Variants in MAP2K5 observed in about 807,000 individuals in gnomAD.
The protein encoded by MAP2K5 is dual specificity mitogen-activated protein kinase kinase 5.
MAP2K5 carries 49 observed loss-of-function variants against 83.1 expected under a neutral mutation model. That is an observed-to-expected ratio of 0.59 (90% CI 0.47 to 0.75). MAP2K5 has a LOEUF of 0.75. MAP2K5 is among the 30% of genes least tolerant of loss of function. MAP2K5 has a pLI of 0.00. For synonymous variants in MAP2K5, 202 were observed against 191.8 expected (o/e 1.05, Z -0.44); for missense variants, 457 against 557.5 (o/e 0.82, Z 1.82).
At chr15:67,547,717 A>G (rs2414962) in intron 1 of MAP2K5, among the ~76,000 whole-genome samples, 151,939 of 152,266 alleles carry the variant, frequency 1, 75,807 homozygotes, top group Middle Eastern at 1. Flanking sequence ...TCGGCCCCCC[A>G]AAGTGCTGGG....
intron 13 of MAP2K5, among the ~76,000 whole-genome samples, chr15:67,688,103 C>A (rs889882142): frequency 6.6e-6 from 1 of 152,088 alleles, no homozygotes; most frequent in Admixed American, 6.5e-5. Flanking sequence ...AGGAGCAAGC[C>A]AGGGACAATT....
chr15:67,632,073 A>G (rs916612263), intron 9 of MAP2K5, among the ~76,000 whole-genome samples: 33 of 150,532 alleles, frequency 2.2e-4, no homozygotes, highest in Admixed American at 1.9e-3. Flanking sequence ...TTGAGTGACT[A>G]CTATATGCCA....
chr15:67,743,080 CCCT>C (rs2089530189), intron 17 of MAP2K5, among the ~76,000 whole-genome samples: 1 of 152,310 alleles, frequency 6.6e-6, no homozygotes, highest in South Asian at 2.1e-4. Flanking sequence ...CAGAGCTGTG[CCCT>C]CCTGTAGGCA....
Position 67,543,156 on chromosome 15 carries a change from C to G in MAP2K5, c.-180C>G, listed in dbSNP as rs1164004436. 1 of 631,032 alleles carries G rather than the reference C, an allele frequency of 1.6e-6. No homozygotes were observed. The highest frequency in any genetic ancestry group is 2.8e-5 in the East Asian group (1 of 36,234). The allele number at this position is 631,032 out of a possible 1,614,324, so 39.1% of individuals were successfully genotyped here. A position where few individuals can be genotyped will look rare whatever the true frequency, so the allele number is the denominator to read the frequency against. ...AGACCCCCGACAGCCTGGGCAGGCT[C>G]GGTGCCTGCGGGTGCGTTCCTGATC... On this transcript the variant is annotated 5_prime_UTR_variant, in exon 1 of 22. Coordinates refer to ENST00000178640, the MANE Select transcript of MAP2K5 (RefSeq NM_145160.3). The surrounding 1 kb of genome is among the most constrained non-coding windows in gnomAD (Gnocchi z 4.3).
chr15:67,698,691 C>A lies in MAP2K5; in HGVS notation c.973-4646C>A, dbSNP rs921994869. ...GGATCAGAAAGTCAATCTAAATAAC[C>A]ATTCTTATCTCTAGAACATTTTTTT... On this transcript the variant is annotated intron_variant, in intron 15 of 21. Coordinates refer to ENST00000178640, the MANE Select transcript of MAP2K5 (RefSeq NM_145160.3). The surrounding 1 kb of genome is among the most constrained non-coding windows in gnomAD (Gnocchi z 4.5). 6.6e-6 allele frequency among the ~76,000 whole-genome samples: 1 copy of A among 152,102 alleles called. No individual in the cohort carries two copies. Among genetic ancestry groups the A allele is most frequent in the African/African-American group, 2.4e-5 (1 of 41,400 alleles).
At chr15:67,699,147 C>T (rs2088344963) in intron 15 of MAP2K5, among the ~76,000 whole-genome samples, 1 of 149,666 alleles carries the variant, frequency 6.7e-6, no homozygotes, top group Non-Finnish European at 1.5e-5. Flanking sequence ...TTTTTTTAAA[C>T]CATCTCAAAT....
intron 2 of MAP2K5, among the ~76,000 whole-genome samples, chr15:67,550,542 TCTTTAGTCCTTC>T (rs923740674): frequency 6.6e-6 from 1 of 152,178 alleles, no homozygotes; most frequent in African/African-American, 2.4e-5. Flanking sequence ...ACACTTCAGG[TCTTTAGTCCTTC>T]CTTTTTCCCC....
chr15:67,578,260 C>G (rs908074758), intron 3 of MAP2K5, among the ~76,000 whole-genome samples: 1 of 152,148 alleles, frequency 6.6e-6, no homozygotes, highest in Non-Finnish European at 1.5e-5. Context: ...GGTGGCCGGT[C>G]AGGACTGCTC....
rs368240673 is a variant in MAP2K5 at position 67,781,081 on chromosome 15, C to T, written c.1242+8329C>T. ...ACATCAGATGCATGCCACCCACTCCCCAGCTCTTGGGAATAATGGATTCAG... is the reference window on the plus strand; with the variant it reads ...ACATCAGATGCATGCCACCCACTCCTCAGCTCTTGGGAATAATGGATTCAG... On this transcript the variant is annotated intron_variant, in intron 21 of 21. Coordinates refer to ENST00000178640, the MANE Select transcript of MAP2K5 (RefSeq NM_145160.3). The surrounding 1 kb of genome is among the most constrained non-coding windows in gnomAD (Gnocchi z 4.0). Among the ~76,000 whole-genome samples the T allele has an allele frequency of 2.2e-4, 34 of 152,310 alleles. No individual in the cohort carries two copies. Among genetic ancestry groups the T allele is most frequent in the African/African-American group, 7.0e-4 (29 of 41,576 alleles).
At chr15:67,728,998 G>A (rs1381243140) in intron 17 of MAP2K5, among the ~76,000 whole-genome samples, 1 of 152,234 alleles carries the variant, frequency 6.6e-6, no homozygotes, top group East Asian at 1.9e-4. Context: ...AAGTGGAAGA[G>A]AAATCGTCCA....
rs552438037 is a variant in MAP2K5 at position 67,769,487 on chromosome 15, C to A, written c.1135-115C>A. ...AGACAGTCTTTTTAATTGGGTGAGG[C>A]CTTATTCTCATTGTATTCATCTTTA... On this transcript the variant is annotated intron_variant, in intron 19 of 21. Coordinates refer to ENST00000178640, the MANE Select transcript of MAP2K5 (RefSeq NM_145160.3). This position sits in a 1 kb window ranked among gnomAD's most constrained non-coding sequence, Gnocchi z 5.2. 1 of 861,572 alleles carries A rather than the reference C, an allele frequency of 1.2e-6. No individual in the cohort carries two copies. Among genetic ancestry groups the A allele is most frequent in the South Asian group, 1.5e-5 (1 of 66,018 alleles). 53.4% of individuals were successfully genotyped at this position (861,572 alleles called of 1,614,324 possible).
intron 21 of MAP2K5, among the ~76,000 whole-genome samples, chr15:67,776,285 G>A (rs184805105): frequency 9.8e-5 from 13 of 133,022 alleles, no homozygotes; most frequent in African/African-American, 1.7e-4. Flanking sequence ...TTTAAATCAC[G>A]CTGCTGCAAC....
intron 16 of MAP2K5, among the ~76,000 whole-genome samples, chr15:67,713,890 G>T (rs935943531): frequency 6.6e-6 from 1 of 152,156 alleles, no homozygotes; most frequent in African/African-American, 2.4e-5. Flanking sequence ...CTGTTAAAGA[G>T]CTTAGACTGG....
rs71142390 is a variant in MAP2K5, at chr15:67,634,367, C to CAAAAAAAAAAAAAAAAAAAAA, written c.585+3462_585+3482dup. On this transcript the variant is annotated intron_variant, in intron 9 of 21. Coordinates refer to ENST00000178640, the MANE Select transcript of MAP2K5 (RefSeq NM_145160.3). Reference sequence around the variant, plus strand: ...TGGGTGACAGAGTAAGACCTCATCTCAAAAAAAAAAAAAAAAAAAAAAAAA... The same window carrying CAAAAAAAAAAAAAAAAAAAAA: ...TGGGTGACAGAGTAAGACCTCATCTCAAAAAAAAAAAAAAAAAAAAAAAAAAAAAAAAAAAAAAAAAAAAAA... Among the ~76,000 whole-genome samples, 23 of 48,576 alleles carry CAAAAAAAAAAAAAAAAAAAAA rather than the reference C, an allele frequency of 4.7e-4. 6 individuals carry two copies. The highest frequency in any genetic ancestry group is 4.4e-4 in the Non-Finnish European group (11 of 24,804). 31.9% of individuals were successfully genotyped at this position (48,576 alleles called of 152,430 possible). A position where few individuals can be genotyped will look rare whatever the true frequency, so the allele number is the denominator to read the frequency against.
At chr15:67,594,306 A>G (rs1204087819) in intron 7 of MAP2K5, among the ~76,000 whole-genome samples, 1 of 152,212 alleles carries the variant, frequency 6.6e-6, no homozygotes, top group African/African-American at 2.4e-5. Flanking sequence ...GAACCAGCAT[A>G]TATAAACAAA....
At chr15:67,659,936 A>G (rs757971945) in intron 12 of MAP2K5, among the ~76,000 whole-genome samples, 6 of 152,134 alleles carry the variant, frequency 3.9e-5, no homozygotes, top group Non-Finnish European at 7.4e-5. Flanking sequence ...GTTGAAGTGA[A>G]TAGAGTCAGC....
chr15:67,593,056 A>C, intron 7 of MAP2K5, 82 bp downstream of exon 7: 1 of 858,594 alleles, frequency 1.2e-6, no homozygotes, highest in Non-Finnish European at 1.8e-6. Flanking sequence ...CTTATTAAAC[A>C]GATAAAGAGT....
At chr15:67,546,862 C>T (rs1376319111) in intron 1 of MAP2K5, among the ~76,000 whole-genome samples, 1 of 151,914 alleles carries the variant, frequency 6.6e-6, no homozygotes, top group Non-Finnish European at 1.5e-5. Flanking sequence ...CTCAGGAGTT[C>T]GAGACCAGCC....
In MAP2K5 at chr15:67,563,209, C is replaced by A; in HGVS notation, c.185-74C>A. 1 of 1,524,628 alleles carries A rather than the reference C, an allele frequency of 6.6e-7. No homozygotes were observed. The highest frequency in any genetic ancestry group is 2.0e-5 in the Admixed American group (1 of 49,164). The allele number at this position is 1,524,628 out of a possible 1,614,324, so 94.4% of individuals were successfully genotyped here. ...GGTTAGAATATCACATTGTAATAAA[C>A]CGTTTATATTATGTTCCCTTTGTGC... On this transcript the variant is annotated intron_variant, in intron 2 of 21. Transcript: ENST00000178640. This position sits in a 1 kb window ranked among gnomAD's most constrained non-coding sequence, Gnocchi z 4.5.
Sources: gnomAD v4.1 joint callset for allele counts (sites outside exome capture counted in the v4.1 genomes callset) on GRCh38, gnomAD v4.1.1 for gene constraint, Gnocchi (gnomAD v3.1) non-coding constraint, MANE v1.5 for transcripts, NCBI Gene and HGNC (gene_info 2026-07-23, HGNC 2026-07-21) for gene names.